Variants in ITGA2 observed in about 807,000 individuals in gnomAD.
ITGA2 encodes the protein integrin subunit alpha 2.
In ITGA2, 101 loss-of-function variants were observed where a neutral mutation model predicts 146.3. That is an observed-to-expected ratio of 0.69 (90% CI 0.59 to 0.81). ITGA2 has a LOEUF of 0.81. Ranked by LOEUF, ITGA2 falls within the 40% of genes least tolerant of loss-of-function variation. The probability of loss-of-function intolerance (pLI) is 0.00; values close to 1 mark genes in which losing one functional copy is unlikely to be tolerated. For missense variants in ITGA2, 1,281 were observed against 1,402.7 expected, an observed-to-expected ratio of 0.91 and a Z score of 1.39; for synonymous variants, 477 against 487.1, an observed-to-expected ratio of 0.98 and a Z score of 0.27.
In ITGA2 at chr5:53,001,581, C is replaced by G. The variant is rs544239540; in HGVS notation, c.64+12049C>G. ...TAGCAAGACAAAAAGTGATTCAACTCCCCAGCACTTTGGAAAGCCAAGGCA... is the reference window on the plus strand; with the variant it reads ...TAGCAAGACAAAAAGTGATTCAACTGCCCAGCACTTTGGAAAGCCAAGGCA... On this transcript the variant is annotated intron_variant, in intron 1 of 29. Transcript: ENST00000296585. 1.4e-4 allele frequency among the ~76,000 whole-genome samples: 21 copies of G among 152,224 alleles called. 1 individual carries two copies. The South Asian group carries it at 4.4e-3, about 32-fold the overall frequency.
At chr5:53,087,339 T>C (rs1746207921) in intron 28 of ITGA2, among the ~76,000 whole-genome samples, 1 of 152,196 alleles carries the variant, frequency 6.6e-6, no homozygotes, top group South Asian at 2.1e-4. Flanking sequence ...TGGGACTCCA[T>C]GGTGTCTCTT....
At chr5:53,058,593 A>T (rs1418161536) in intron 10 of ITGA2, among the ~76,000 whole-genome samples, 1 of 151,822 alleles carries the variant, frequency 6.6e-6, no homozygotes, top group Non-Finnish European at 1.5e-5. Context: ...AGCTCGGGGA[A>T]GTCTATTTCT....
At chr5:53,001,314 C>T (rs970831159) in intron 1 of ITGA2, among the ~76,000 whole-genome samples, 9 of 152,090 alleles carry the variant, frequency 5.9e-5, no homozygotes, top group African/African-American at 1.4e-4. Context: ...TGAAGCAGTG[C>T]CCTGGAGGTA....
chr5:53,051,327 A>C (rs1424686412), intron 6 of ITGA2, 84 bp from the exon 7 acceptor site: 5 of 1,424,442 alleles, frequency 3.5e-6, no homozygotes, highest in Non-Finnish European at 4.9e-6. Flanking sequence ...GTCTAAATGT[A>C]CTTTTGATTT....
intron 23 of ITGA2, among the ~76,000 whole-genome samples, chr5:53,075,530 G>T: frequency 6.6e-6 from 1 of 151,956 alleles, no homozygotes; most frequent in Non-Finnish European, 1.5e-5. Flanking sequence ...GAAAGGCAGA[G>T]AAAGATCCCC....
At chr5:53,004,878 T>G (rs1741749800) in intron 1 of ITGA2, among the ~76,000 whole-genome samples, 1 of 140,014 alleles carries the variant, frequency 7.1e-6, no homozygotes, top group Non-Finnish European at 1.5e-5. Flanking sequence ...CTACAACTTC[T>G]AAGTTTAGTT....
chr5:53,011,739 G>C (rs574949358), intron 1 of ITGA2, among the ~76,000 whole-genome samples: 2 of 152,056 alleles, frequency 1.3e-5, no homozygotes, highest in African/African-American at 4.8e-5. Context: ...ATGTGAGTGG[G>C]GGGGAGTGAG....
At chr5:52,992,862 T>C (rs988447939) in intron 1 of ITGA2, among the ~76,000 whole-genome samples, 36 of 152,104 alleles carry the variant, frequency 2.4e-4, no homozygotes, top group Non-Finnish European at 2.9e-5. Flanking sequence ...AATCTTTTCT[T>C]TACTGTATGC....
At chr5:52,998,667 T>C (rs545312034) in intron 1 of ITGA2, among the ~76,000 whole-genome samples, 3 of 152,156 alleles carry the variant, frequency 2.0e-5, no homozygotes, top group Non-Finnish European at 4.4e-5. Flanking sequence ...CTTGGACCCT[T>C]CCATAGCAAT....
chr5:53,028,456 G>A (rs902094835), intron 2 of ITGA2, among the ~76,000 whole-genome samples: 13 of 152,186 alleles, frequency 8.5e-5, no homozygotes, highest in Non-Finnish European at 1.8e-4. Context: ...TTTGGGATAC[G>A]AGAGAGAGTT....
intron 26 of ITGA2, among the ~76,000 whole-genome samples, chr5:53,082,023 T>A (rs935742685): frequency 6.6e-6 from 1 of 152,204 alleles, no homozygotes; most frequent in African/African-American, 2.4e-5. Flanking sequence ...TTGTGCACTT[T>A]GGAAACAAGG....
intron 1 of ITGA2, among the ~76,000 whole-genome samples, chr5:53,004,894 GTTTTTTTTT>G (rs548541753): frequency 3.7e-3 from 206 of 55,916 alleles, no homozygotes; most frequent in African/African-American, 6.1e-3. Flanking sequence ...TAGTTGCTTT[GTTTTTTTTT>G]TTTTTTTTTT....
chr5:53,047,138 G>C (rs373049037), intron 4 of ITGA2, among the ~76,000 whole-genome samples: 3 of 152,130 alleles, frequency 2.0e-5, no homozygotes, highest in Admixed American at 6.6e-5. Flanking sequence ...GGCCAAAGCT[G>C]CTTCCCCTTT....
intron 1 of ITGA2, among the ~76,000 whole-genome samples, chr5:53,025,566 G>A (rs1462836615): frequency 6.6e-6 from 1 of 152,166 alleles, no homozygotes; most frequent in Non-Finnish European, 1.5e-5. Flanking sequence ...TCATTTTGGA[G>A]CACTCTACAG....
At position 53,087,414 on chromosome 5, in the gene ITGA2, G is replaced by A. The variant is rs151327389; in HGVS notation, c.3348+373G>A. Among the ~76,000 whole-genome samples, 301 of 152,254 alleles carry A rather than the reference G, an allele frequency of 2.0e-3. 1 individual carries two copies. Among genetic ancestry groups the A allele is most frequent in the African/African-American group, 7.1e-3 (293 of 41,552 alleles). ...TCCTGCTTACACAAAATGGTCTGGAGCTTAGGCCACAAAACTTAATCATGC... is the reference window on the plus strand; with the variant it reads ...TCCTGCTTACACAAAATGGTCTGGAACTTAGGCCACAAAACTTAATCATGC... On this transcript the variant is annotated intron_variant, in intron 28 of 29. Coordinates refer to ENST00000296585, the MANE Select transcript of ITGA2 (RefSeq NM_002203.4).
At chr5:53,033,237 C>G (rs1409521438) in intron 2 of ITGA2, among the ~76,000 whole-genome samples, 1 of 151,438 alleles carries the variant, frequency 6.6e-6, no homozygotes, top group Non-Finnish European at 1.5e-5. Flanking sequence ...CCACTGCAGT[C>G]TAGCCTTGGC....
intron 24 of ITGA2, among the ~76,000 whole-genome samples, chr5:53,079,875 G>T (rs1745833714): frequency 6.6e-6 from 1 of 151,946 alleles, no homozygotes; most frequent in Non-Finnish European, 1.5e-5. Context: ...TATTCCCAGG[G>T]ATGTTATTTA....
rs1278614746 is a variant in ITGA2 at position 53,093,979 on chromosome 5, A to G, written c.*3380A>G. On this transcript the variant is annotated 3_prime_UTR_variant, in exon 30 of 30. Coordinates refer to ENST00000296585, the MANE Select transcript of ITGA2 (RefSeq NM_002203.4). ...ATAGTTACCTATTAAAACTGTGAAG[A>G]GTAAAACTAAAGCCAATTTATTATA... 2 of 67,580 alleles carry G rather than the reference A, an allele frequency of 3.0e-5. No homozygotes were observed. Among genetic ancestry groups the G allele is most frequent in the African/African-American group, 1.3e-4 (2 of 15,408 alleles). 4.2% of individuals were successfully genotyped at this position (67,580 alleles called of 1,614,324 possible). A position where few individuals can be genotyped will look rare whatever the true frequency, so the allele number is the denominator to read the frequency against.
chr5:53,055,431 A>G, intron 7 of ITGA2, 107 bp from the exon 8 acceptor site: 1 of 938,480 alleles, frequency 1.1e-6, no homozygotes, highest in Admixed American at 1.9e-5. Context: ...GAGTTACAAT[A>G]GATTGTGTTT....
Sources: allele counts gnomAD v4.1 joint callset (sites outside exome capture counted in the v4.1 genomes callset), GRCh38; gene constraint gnomAD v4.1.1; transcripts MANE v1.5; gene names NCBI Gene and HGNC (gene_info 2026-07-23, HGNC 2026-07-21).